Variants in BLOC1S5 observed in about 807,000 individuals in gnomAD.
BLOC1S5 encodes biogenesis of lysosomal organelles complex 1 subunit 5.
Under a neutral mutation model 24.3 loss-of-function variants are expected in BLOC1S5, and 27 were observed. The observed-to-expected ratio is 1.11, with a 90% confidence interval of 0.82 to 1.53. The LOEUF is 1.53. Among genes scored for constraint, BLOC1S5 ranks in the 40% most tolerant of loss-of-function variants. The pLI is 0.00. For synonymous variants in BLOC1S5, 84 were observed against 74.5 expected, an observed-to-expected ratio of 1.13 and a Z score of -0.66; for missense variants, 239 against 229.4, an observed-to-expected ratio of 1.04 and a Z score of -0.27.
At chr6:8,035,489 G>T (rs913611515) in intron 3 of BLOC1S5, among the ~76,000 whole-genome samples, 1 of 152,012 alleles carries the variant, frequency 6.6e-6, no homozygotes, top group African/African-American at 2.4e-5. Context: ...GCAGCAGTTG[G>T]GTGAAATGTT....
chr6:8,017,039 A>G (rs9405365), intron 4 of BLOC1S5, among the ~76,000 whole-genome samples: 113,700 of 151,980 alleles, frequency 0.75, 43,435 homozygotes, highest in East Asian at 0.96. Context: ...GCACCACAGT[A>G]ATATAGATAA....
rs752886323 is a variant in BLOC1S5, at chr6:8,014,650, C to A, written c.*999G>T. ...CTGGTACATGTTTCATCATAATATA[C>A]CTGCTTATGAGAACAGACATTAACA... On this transcript the variant is annotated 3_prime_UTR_variant, in exon 5 of 5. Coordinates refer to ENST00000397457, the MANE Select transcript of BLOC1S5 (RefSeq NM_201280.3). 6.6e-6 allele frequency: 1 copy of A among 152,124 alleles called. No individual in the cohort carries two copies. Among genetic ancestry groups the A allele is most frequent in the Non-Finnish European group, 1.5e-5 (1 of 68,032 alleles). 9.4% of individuals were successfully genotyped at this position (152,124 alleles called of 1,614,324 possible).
rs1762677501 is a variant in BLOC1S5 at position 8,014,632 on chromosome 6, A to C, written c.*1017T>G. 1 of 152,176 alleles carries C rather than the reference A, an allele frequency of 6.6e-6. No homozygotes were observed. The highest frequency in any genetic ancestry group is 1.5e-5 in the Non-Finnish European group (1 of 68,024). The allele number at this position is 152,176 out of a possible 1,614,324, so 9.4% of individuals were successfully genotyped here. On this transcript the variant is annotated 3_prime_UTR_variant, in exon 5 of 5. Transcript: ENST00000397457. ...ATCACAGTGATGACAGAACTGGTAC[A>C]TGTTTCATCATAATATACCTGCTTA...
intron 4 of BLOC1S5, among the ~76,000 whole-genome samples, chr6:8,024,559 T>C (rs2113524964): frequency 1.3e-5 from 2 of 150,444 alleles, no homozygotes; most frequent in South Asian, 4.2e-4. Context: ...TATTAAATAT[T>C]AAAATATTCT....
intron 3 of BLOC1S5, among the ~76,000 whole-genome samples, chr6:8,030,263 G>A (rs908135854): frequency 2.0e-5 from 3 of 152,034 alleles, no homozygotes; most frequent in South Asian, 2.1e-4. Context: ...GGGTTCAAGC[G>A]ATTCTCCTGC....
At chr6:8,029,659 G>A (rs1001498850) in intron 3 of BLOC1S5, among the ~76,000 whole-genome samples, 83 of 152,274 alleles carry the variant, frequency 5.5e-4, no homozygotes, top group African/African-American at 1.8e-3. Context: ...CACGAGGTTC[G>A]TTCCCCAGGT....
Position 8,030,205 on chromosome 6 carries a change from G to A in BLOC1S5, c.326-3780C>T, listed in dbSNP as rs1366161957. 5.3e-5 allele frequency among the ~76,000 whole-genome samples: 8 copies of A among 152,204 alleles called. No homozygotes were observed. In the South Asian group the frequency reaches 6.2e-4, roughly 12 times the overall value. On this transcript the variant is annotated intron_variant, in intron 3 of 4. Transcript: ENST00000397457. ...GATGGGGTCTCACTCTGTTGCCCAA[G>A]CTGCAGTGCAGTGGCACAATCTCGG... is the stretch of plus-strand genomic sequence containing the variant.
chr6:8,044,155 A>G (rs540003666), intron 2 of BLOC1S5, among the ~76,000 whole-genome samples: 40 of 152,080 alleles, frequency 2.6e-4, no homozygotes, highest in Admixed American at 6.5e-4. Context: ...GTGGTGGTGC[A>G]TGCCTGTAAT....
chr6:8,055,555 C>T (rs1029788609), intron 2 of BLOC1S5, among the ~76,000 whole-genome samples: 4 of 152,158 alleles, frequency 2.6e-5, no homozygotes, highest in Non-Finnish European at 4.4e-5. Flanking sequence ...TGGGATTTGA[C>T]TCTTGCTCGA....
intron 3 of BLOC1S5, among the ~76,000 whole-genome samples, chr6:8,031,533 T>C (rs536466026): frequency 6.6e-6 from 1 of 152,170 alleles, no homozygotes; most frequent in Non-Finnish European, 1.5e-5. Context: ...TTGTGAAATG[T>C]CCATAATGCC....
intron 4 of BLOC1S5, among the ~76,000 whole-genome samples, chr6:8,024,514 CAAAAAAAA>C (rs60853006): frequency 7.6e-5 from 5 of 65,788 alleles, no homozygotes; most frequent in Non-Finnish European, 1.1e-4. Context: ...GACTCCATCT[CAAAAAAAA>C]AAAAAAAAAA....
chr6:8,024,677 T>G (rs1424453471), intron 4 of BLOC1S5, among the ~76,000 whole-genome samples: 1 of 152,212 alleles, frequency 6.6e-6, no homozygotes, highest in Admixed American at 6.5e-5. Flanking sequence ...TCTAACAGAC[T>G]ACAGCAGGGA....
chr6:8,056,677 C>G (rs919658516), intron 2 of BLOC1S5, among the ~76,000 whole-genome samples: 1 of 152,066 alleles, frequency 6.6e-6, no homozygotes, highest in East Asian at 1.9e-4. Flanking sequence ...ATTCAGGGGA[C>G]AGGTTATTAT....
chr6:8,022,583 T>C (rs9505337), intron 4 of BLOC1S5, among the ~76,000 whole-genome samples: 31,166 of 125,204 alleles, frequency 0.25, 5,272 homozygotes, highest in African/African-American at 0.37. Context: ...TTTTTTCTTT[T>C]TTTTTTTTCT....
chr6:8,043,281 G>C (rs1394225537), intron 2 of BLOC1S5, among the ~76,000 whole-genome samples: 3 of 152,132 alleles, frequency 2.0e-5, no homozygotes, highest in African/African-American at 7.2e-5. Flanking sequence ...TTATAGTAGA[G>C]AAAACTAGCA....
In BLOC1S5 at chr6:8,022,579, C is replaced by CTTTTTTTTT. The variant is rs756972606; in HGVS notation, c.384+3779_384+3787dup. ...TATTTTCAAACTCTATTTTTTTTTT[C>CTTTTTTTTT]TTTTTTTTTTTTCTTTTTTTTTTGA... On this transcript the variant is annotated intron_variant, in intron 4 of 4. Transcript: ENST00000397457. 1.1e-3 allele frequency among the ~76,000 whole-genome samples: 84 copies of CTTTTTTTTT among 74,280 alleles called. 6 individuals are homozygous for CTTTTTTTTT. The highest frequency in any genetic ancestry group is 2.2e-3 in the East Asian group (5 of 2,276). The allele number at this position is 74,280 out of a possible 152,430, so 48.7% of individuals were successfully genotyped here.
chr6:8,058,289 G>A (rs1216438465), intron 2 of BLOC1S5, among the ~76,000 whole-genome samples: 2 of 144,780 alleles, frequency 1.4e-5, no homozygotes, highest in East Asian at 2.2e-4. Context: ...GGAGACTGGG[G>A]TAGGAGGATC....
intron 1 of BLOC1S5, 109 bp downstream of exon 1, chr6:8,064,156 G>A: frequency 1.1e-6 from 1 of 893,994 alleles, no homozygotes. Context: ...CCGCACAAAC[G>A]CACGCGCGCC....
chr6:8,044,373 A>G (rs1763803125), intron 2 of BLOC1S5, among the ~76,000 whole-genome samples: 1 of 151,954 alleles, frequency 6.6e-6, no homozygotes. Flanking sequence ...TGTAAGTCCA[A>G]TTAAACCTCT....
Sources: allele counts gnomAD v4.1 joint callset (sites outside exome capture counted in the v4.1 genomes callset), GRCh38; gene constraint gnomAD v4.1.1; transcripts MANE v1.5; gene names NCBI Gene and HGNC (gene_info 2026-07-23, HGNC 2026-07-21).